The following MROH2B variants were observed in gnomAD, a reference collection of about 807,000 sequenced individuals.
MROH2B encodes maestro heat-like repeat-containing protein family member 2B.
MROH2B carries 177 observed loss-of-function variants against 208.6 expected under a neutral mutation model. The ratio of observed to expected loss-of-function variants is 0.85; its 90% CI spans 0.75 to 0.96. MROH2B has a LOEUF of 0.96. Among genes scored for constraint, MROH2B ranks in the 40% least tolerant of loss-of-function variants. The pLI, the probability that MROH2B is intolerant of heterozygous loss-of-function variation, is 0.00. For missense variants in MROH2B, 2,002 were observed against 1,878.7 expected, an observed-to-expected ratio of 1.07 and a Z score of -1.21; for synonymous variants, 728 against 659.0, an observed-to-expected ratio of 1.10 and a Z score of -1.60.
At chr5:41,054,880 A>G (rs1743396087) in intron 10 of MROH2B, 40 bp from the exon 11 acceptor site, 1 of 1,375,820 alleles carries the variant, frequency 7.3e-7, no homozygotes, top group Admixed American at 1.8e-5. Context: ...CTGACTCAAT[A>G]GAAGTACAGT....
chr5:41,003,226 G>T (rs1347627931), intron 37 of MROH2B, among the ~76,000 whole-genome samples: 5 of 152,136 alleles, frequency 3.3e-5, no homozygotes, highest in Middle Eastern at 3.2e-3. Context: ...CTCCCAAAGT[G>T]CTGGGATTAC....
Position 41,055,733 on chromosome 5 carries a change from C to G in MROH2B, c.1033+9G>C. 3 of 1,607,862 alleles carry G rather than the reference C, an allele frequency of 1.9e-6. No individual in the cohort carries two copies. The highest frequency in any genetic ancestry group is 2.6e-6 in the Non-Finnish European group (3 of 1,174,548). ...AATAAACCATGTTGGCTTCAACCCT[C>G]TTGCTTACCATCAGCATTGACAGCC... On this transcript the variant is annotated intron_variant, in intron 10 of 41. Coordinates refer to ENST00000399564, the MANE Select transcript of MROH2B (RefSeq NM_173489.5).
At chr5:41,070,180 T>C (rs1019300187) in intron 1 of MROH2B, among the ~76,000 whole-genome samples, 1 of 152,158 alleles carries the variant, frequency 6.6e-6, no homozygotes, top group African/African-American at 2.4e-5. Flanking sequence ...CCATCTTCTT[T>C]TTCCATACCC....
chr5:41,038,982 G>T (rs771180359), intron 20 of MROH2B, 94 bp from the exon 21 acceptor site: 1 of 1,130,784 alleles, frequency 8.8e-7, no homozygotes, highest in African/African-American at 1.5e-5. Context: ...CACTATAGGG[G>T]ATAAGAAACT....
At chr5:41,006,214 G>A (rs1282532339) in intron 34 of MROH2B, among the ~76,000 whole-genome samples, 4 of 151,940 alleles carry the variant, frequency 2.6e-5, no homozygotes, top group Non-Finnish European at 5.9e-5. Context: ...TATACAAATG[G>A]CCAACAAACA....
At chr5:41,022,959 C>G (rs893881062) in intron 24 of MROH2B, among the ~76,000 whole-genome samples, 1 of 152,214 alleles carries the variant, frequency 6.6e-6, no homozygotes, top group Admixed American at 6.5e-5. Context: ...CCAGCAAACT[C>G]TAACAGACCT....
intron 24 of MROH2B, among the ~76,000 whole-genome samples, chr5:41,025,771 A>G (rs1024284445): frequency 6.6e-5 from 10 of 152,294 alleles, no homozygotes; most frequent in South Asian, 2.1e-4. Flanking sequence ...GATGAACATC[A>G]ATGCAAAAAT....
intron 12 of MROH2B, chr5:41,051,694 A>T (rs1743290390): frequency 6.6e-6 from 1 of 152,260 alleles, no homozygotes; most frequent in Admixed American, 6.5e-5. Flanking sequence ...TCCACTAGGT[A>T]AGGACACAGT....
chr5:41,059,821 C>T (rs1489089861), intron 6 of MROH2B, among the ~76,000 whole-genome samples: 1 of 152,208 alleles, frequency 6.6e-6, no homozygotes, highest in African/African-American at 2.4e-5. Context: ...GTTTTAGCCA[C>T]TTTCCCACTC....
intron 40 of MROH2B, among the ~76,000 whole-genome samples, chr5:40,999,430 A>G (rs1037094851): frequency 1.3e-5 from 2 of 152,208 alleles, no homozygotes; most frequent in African/African-American, 4.8e-5. Context: ...CAGAAGGAGC[A>G]TGAAGGGCTC....
At chr5:41,067,492 G>A (rs1414107030) in intron 2 of MROH2B, among the ~76,000 whole-genome samples, 2 of 151,878 alleles carry the variant, frequency 1.3e-5, no homozygotes, top group South Asian at 2.1e-4. Context: ...TCAGCCTCCC[G>A]AGTAGCCAGG....
chr5:41,055,656 A>T (rs1419727617), intron 10 of MROH2B, 86 bp downstream of exon 10: 1 of 933,396 alleles, frequency 1.1e-6, no homozygotes, highest in Admixed American at 2.0e-5. Flanking sequence ...CATCCAAAAG[A>T]CATAGGATAG....
chr5:41,033,204 C>A, intron 22 of MROH2B, 44 bp from the exon 23 acceptor site: 1 of 1,604,414 alleles, frequency 6.2e-7, no homozygotes, highest in Non-Finnish European at 8.5e-7. Context: ...TCTAAGACAC[C>A]ACACTCAGGT....
chr5:41,006,872 T>C (rs925200522), intron 34 of MROH2B, among the ~76,000 whole-genome samples: 2 of 152,260 alleles, frequency 1.3e-5, no homozygotes, highest in East Asian at 3.9e-4. Context: ...AGCCTACATA[T>C]TGGGTGCAGT....
At chr5:41,017,791 G>T in intron 28 of MROH2B, 59 bp downstream of exon 28, 6 of 1,518,132 alleles carry the variant, frequency 4.0e-6, no homozygotes, top group Non-Finnish European at 5.3e-6. Context: ...GAGAAAAGCT[G>T]AGAATAAAAG....
At chr5:41,006,192 C>G (rs1259199142) in intron 34 of MROH2B, among the ~76,000 whole-genome samples, 1 of 152,028 alleles carries the variant, frequency 6.6e-6, no homozygotes, top group Non-Finnish European at 1.5e-5. Flanking sequence ...ATAGATAATT[C>G]TCAAAAGAAG....
chr5:41,059,378 A>G (rs1743567864), intron 6 of MROH2B, among the ~76,000 whole-genome samples: 1 of 152,158 alleles, frequency 6.6e-6, no homozygotes, highest in African/African-American at 2.4e-5. Flanking sequence ...ATATTTTAGT[A>G]TATTTTTTAT....
At position 41,012,536 on chromosome 5, in the gene MROH2B, G is replaced by A. The variant is rs747727069; in HGVS notation, c.3135+47C>T. On this transcript the variant is annotated intron_variant, in intron 30 of 41. Coordinates refer to ENST00000399564, the MANE Select transcript of MROH2B (RefSeq NM_173489.5). ...AGAAAGTGGCTGACTTGGCATTTCA[G>A]AAGTGATAGAAATCTGTTCAGTTGT... 6 of 1,578,090 alleles carry A rather than the reference G, an allele frequency of 3.8e-6. No individual in the cohort carries two copies. The South Asian group carries it at 5.9e-5, about 15-fold the overall frequency.
chr5:41,066,753 A>C (rs1743825846), intron 3 of MROH2B, among the ~76,000 whole-genome samples: 1 of 152,232 alleles, frequency 6.6e-6, no homozygotes. Flanking sequence ...AATCTAAGAT[A>C]GTAGGTACAT....
Sources: allele counts gnomAD v4.1 joint callset (sites outside exome capture counted in the v4.1 genomes callset), GRCh38; gene constraint gnomAD v4.1.1; transcripts MANE v1.5; gene names NCBI Gene and HGNC (gene_info 2026-07-23, HGNC 2026-07-21).